Variants in NTS observed in about 807,000 individuals in gnomAD.
NTS encodes the protein neurotensin/neuromedin N.
A neutral mutation model predicts 19.5 loss-of-function variants in NTS; 20 were observed. The observed-to-expected ratio is 1.02, with a 90% CI of 0.72 to 1.49. NTS has a LOEUF of 1.49. NTS is among the 40% of genes most tolerant of loss of function. NTS has a pLI of 0.00. For synonymous variants in NTS, 71 were observed against 63.3 expected (o/e 1.12, Z -0.58); for missense variants, 215 against 193.1 (o/e 1.11, Z -0.67).
intron 1 of NTS, among the ~76,000 whole-genome samples, 159 bp downstream of exon 1, chr12:85,874,635 T>C (rs1881290165): frequency 1.3e-5 from 2 of 152,226 alleles, no homozygotes; most frequent in Admixed American, 1.3e-4. Context: ...TTCTCTGCCT[T>C]TATGATTACT....
chr12:85,879,042 GTACAT>G (rs1881413651), intron 3 of NTS, among the ~76,000 whole-genome samples: 1 of 134,692 alleles, frequency 7.4e-6, no homozygotes, highest in Non-Finnish European at 1.7e-5. Context: ...ATATTTTTAT[GTACAT>G]AAAATATATT....
In NTS at chr12:85,878,395, C is replaced by A. The variant is rs2136591210; in HGVS notation, c.186C>A (p.Cys62Ter). 1.2e-6 allele frequency: 2 copies of A among 1,612,212 alleles called. No homozygotes were observed. Among genetic ancestry groups the A allele is most frequent in the African/African-American group, 2.7e-5 (2 of 74,930 alleles). ...PSWKMTLLNV[C>*]SLVNNLNSPA... The stretch of plus-strand genomic sequence containing the variant: ...GGAAGATGACTCTGCTAAATGTTTG[C>A]AGTCTTGTAAATAATTTGAACAGCC... The change falls in exon 3 of 4, where the codon TGC (cysteine) becomes TGA (stop). Residue 62 changes from cysteine (C) to a stop codon, truncating the protein, a stop_gained. Transcript: ENST00000256010. LOFTEE classifies it high-confidence loss of function.
intron 1 of NTS, 79 bp from the exon 2 acceptor site, chr12:85,876,561 A>T: frequency 2.4e-6 from 2 of 819,448 alleles, no homozygotes; most frequent in Non-Finnish European, 3.7e-6. Context: ...ATTTTTTTTT[A>T]GATTAACCTA....
chr12:85,878,579 T>A lies in NTS; in HGVS notation c.360+10T>A, dbSNP rs571696205. The A allele has an allele frequency of 2.0e-6, 3 of 1,522,458 alleles. No homozygotes were observed. Among genetic ancestry groups the A allele is most frequent in the Admixed American group, 3.6e-5 (2 of 55,304 alleles). 94.3% of individuals were successfully genotyped at this position (1,522,458 alleles called of 1,614,324 possible). ...TTTTCAACACTGGGAGGTATAGCAA[T>A]AACAAAATATTAATATGATTATAGT... On this transcript the variant is annotated intron_variant, in intron 3 of 3. Transcript: ENST00000256010.
In NTS at chr12:85,874,316, C is replaced by G. The variant is rs1592548006; in HGVS notation, c.-88C>G. On this transcript the variant is annotated 5_prime_UTR_variant, in exon 1 of 4. Transcript: ENST00000256010. ...TCTCATAGTTCACTCACTTTCAAAG[C>G]CAGCTGAAGGAAAGAGGAAGTGCTA... The G allele has an allele frequency of 2.0e-5, 18 of 896,412 alleles. No homozygotes were observed. The East Asian group carries it at 4.1e-4, about 21-fold the overall frequency. The allele number at this position is 896,412 out of a possible 1,614,324, so 55.5% of individuals were successfully genotyped here.
At chr12:85,878,188 C>G (rs1284026745) in intron 2 of NTS, 157 bp from the exon 3 acceptor site, 1 of 555,112 alleles carries the variant, frequency 1.8e-6, no homozygotes. Flanking sequence ...TGGCAGTATA[C>G]AACTTTGTGA....
chr12:85,876,653 A>G lies in NTS; in HGVS notation c.87A>G (p.Glu29=), dbSNP rs764017895. 1.9e-6 allele frequency: 3 copies of G among 1,588,774 alleles called. No individual in the cohort carries two copies. In the Admixed American group the frequency reaches 5.1e-5, roughly 27 times the overall value. ...GATTTTACTCAGATTCAGAAGAGGA[A>G]ATGAAAGCATTAGAAGCAGATTTCT... ...SWSLCSDSEE[E]MKALEADFLT... Residue 29 remains glutamate, a synonymous_variant, in exon 2 of 4, where the codon GAA becomes GAG. Coordinates refer to ENST00000256010, the MANE Select transcript of NTS (RefSeq NM_006183.5).
At chr12:85,882,156 A>G in intron 3 of NTS, 67 bp from the exon 4 acceptor site, 2 of 1,247,502 alleles carry the variant, frequency 1.6e-6, no homozygotes, top group South Asian at 1.3e-5. Flanking sequence ...GATAGAATGT[A>G]GAAAAATGCT....
At position 85,879,342 on chromosome 12, in the gene NTS, T is replaced by TA. The variant is rs1213185464; in HGVS notation, c.360+773_360+774insA. On this transcript the variant is annotated intron_variant, in intron 3 of 3. Coordinates refer to ENST00000256010, the MANE Select transcript of NTS (RefSeq NM_006183.5). ...ATATTTAATGTATATTTTATGTATA[T>TA]TTTATGTATATAAAACATATTTTAT... Among the ~76,000 whole-genome samples the TA allele has an allele frequency of 8.0e-5, 8 of 99,434 alleles. 3 individuals are homozygous for TA. Among genetic ancestry groups the TA allele is most frequent in the Admixed American group, 2.3e-4 (2 of 8,686 alleles). The allele number at this position is 99,434 out of a possible 152,430, so 65.2% of individuals were successfully genotyped here. A position where few individuals can be genotyped will look rare whatever the true frequency, so the allele number is the denominator to read the frequency against.
chr12:85,874,446 C>G lies in NTS; in HGVS notation c.43C>G (p.Leu15Val), dbSNP rs541657879. The change falls in exon 1 of 4, where the codon CTG becomes GTG. Residue 15 changes from leucine (L) to valine (V), a missense_variant. Physicochemically the swap from Leu to Val is conservative, Grantham distance 32. Transcript: ENST00000256010. ...AATCCAGCTTGTATGCATGCTACTC[C>G]TGGCTTTCAGCTCCTGGAGTCTGTG... ...MKIQLVCMLL[L>V]AFSSWSLCSD... 3.5e-5 allele frequency: 57 copies of G among 1,613,478 alleles called. No homozygotes were observed. The East Asian group carries it at 1.3e-3, about 36-fold the overall frequency.
intron 3 of NTS, among the ~76,000 whole-genome samples, chr12:85,881,570 A>G (rs1263644470): frequency 6.6e-6 from 1 of 152,074 alleles, no homozygotes; most frequent in Non-Finnish European, 1.5e-5. Flanking sequence ...TAACTCCCTT[A>G]AGTTATTGAA....
chr12:85,880,479 C>A (rs1462371742), intron 3 of NTS, among the ~76,000 whole-genome samples: 6 of 152,078 alleles, frequency 3.9e-5, no homozygotes, highest in Non-Finnish European at 8.8e-5. Flanking sequence ...GCTAATTTAA[C>A]AAACTTGCGA....
rs1342555491 is a variant in NTS, at chr12:85,876,635, C to T, written c.74-5C>T. 6.4e-7 allele frequency: 1 copy of T among 1,555,066 alleles called. No individual in the cohort carries two copies. Among genetic ancestry groups the T allele is most frequent in the Admixed American group, 1.8e-5 (1 of 57,006 alleles). On this transcript the variant is annotated splice_polypyrimidine_tract_variant and splice_region_variant and intron_variant, in intron 1 of 3. Transcript: ENST00000256010. Reference sequence around the variant, plus strand: ...TATAGTAAACCTGATTTTGATTTTACTCAGATTCAGAAGAGGAAATGAAAG... The same window carrying T: ...TATAGTAAACCTGATTTTGATTTTATTCAGATTCAGAAGAGGAAATGAAAG...
chr12:85,876,790 T>A, intron 2 of NTS, 89 bp downstream of exon 2: 1 of 660,970 alleles, frequency 1.5e-6, no homozygotes, highest in Non-Finnish European at 2.4e-6. Context: ...TAATAACTTC[T>A]CATCAAGATT....
At chr12:85,878,656 C>A in intron 3 of NTS, 87 bp downstream of exon 3, 2 of 776,750 alleles carry the variant, frequency 2.6e-6, no homozygotes, top group Non-Finnish European at 3.8e-6. Context: ...CAATCATAAT[C>A]ATAACAAGAA....
chr12:85,882,563 C>T lies in NTS; in HGVS notation c.*188C>T. On this transcript the variant is annotated 3_prime_UTR_variant, in exon 4 of 4. Transcript: ENST00000256010. ...TTTTCAAATAAATCTAAATCTTCAG[C>T]ATGATGTGTTGTGTATAATTGGAGT... 4.0e-6 allele frequency: 2 copies of T among 505,194 alleles called. No individual in the cohort carries two copies. Among genetic ancestry groups the T allele is most frequent in the Non-Finnish European group, 6.9e-6 (2 of 289,444 alleles). The allele number at this position is 505,194 out of a possible 1,614,324, so 31.3% of individuals were successfully genotyped here.
At chr12:85,879,017 T>A (rs1052271302) in intron 3 of NTS, among the ~76,000 whole-genome samples, 1 of 150,272 alleles carries the variant, frequency 6.7e-6, no homozygotes, top group Non-Finnish European at 1.5e-5. Context: ...TTAAATATAT[T>A]AGGCAAATAA....
At chr12:85,877,225 T>C (rs1881367188) in intron 2 of NTS, among the ~76,000 whole-genome samples, 1 of 152,106 alleles carries the variant, frequency 6.6e-6, no homozygotes, top group African/African-American at 2.4e-5. Context: ...CTTTAGCAAG[T>C]GGATTAGTTC....
intron 2 of NTS, 21 bp downstream of exon 2, chr12:85,876,722 A>G (rs55644633): frequency 0.09 from 125,233 of 1,390,990 alleles, 6,585 homozygotes; most frequent in Middle Eastern, 0.19. Flanking sequence ...CTTTTCTTTA[A>G]CCCTGAGTTG....
Sources: gnomAD v4.1 joint callset for allele counts (sites outside exome capture counted in the v4.1 genomes callset) on GRCh38, gnomAD v4.1.1 for gene constraint, MANE v1.5 for transcripts, NCBI Gene and HGNC (gene_info 2026-07-23, HGNC 2026-07-21) for gene names.